The following SPECC1L variants were observed in gnomAD, a reference collection of about 807,000 sequenced individuals.
The protein encoded by SPECC1L is sperm antigen with calponin homology and coiled-coil domains 1 like, also known as cytospin-A.
Under a neutral mutation model 116.8 loss-of-function variants are expected in SPECC1L, and 40 were observed. The observed-to-expected ratio is 0.34, with a 90% CI of 0.27 to 0.45. The LOEUF (loss-of-function observed/expected upper bound fraction) is 0.45. Among genes scored for constraint, SPECC1L ranks in the 20% least tolerant of loss-of-function variants. The probability of loss-of-function intolerance (pLI) is 1.00; values close to 1 mark genes in which losing one functional copy is unlikely to be tolerated. For synonymous variants in SPECC1L, 504 were observed against 500.6 expected (o/e 1.01, Z -0.09); for missense variants, 1,110 against 1,373.6 (o/e 0.81, Z 3.03).
chr22:24,307,982 G>A (rs973230825), intron 3 of SPECC1L, among the ~76,000 whole-genome samples: 1 of 151,710 alleles, frequency 6.6e-6, no homozygotes, highest in African/African-American at 2.4e-5. Context: ...AAGAATTCCA[G>A]TATACTCTAT....
intron 14 of SPECC1L, among the ~76,000 whole-genome samples, chr22:24,374,515 C>T (rs1370670389): frequency 2.7e-5 from 4 of 150,496 alleles, no homozygotes; most frequent in African/African-American, 4.9e-5. Flanking sequence ...AGCAAACTAT[C>T]GCAAGGACAA....
At chr22:24,341,855 C>A (rs1028193819) in intron 10 of SPECC1L, among the ~76,000 whole-genome samples, 2 of 152,214 alleles carry the variant, frequency 1.3e-5, no homozygotes, top group South Asian at 4.1e-4. Context: ...TGCAGAGAGG[C>A]CCACATTAGG....
At position 24,415,467 on chromosome 22, in the gene SPECC1L, G is replaced by C. The variant is rs2042784715; in HGVS notation, c.*844G>C. On this transcript the variant is annotated 3_prime_UTR_variant, in exon 17 of 17. Coordinates refer to ENST00000314328, the MANE Select transcript of SPECC1L (RefSeq NM_015330.6). ...AGCAATGCTGGAAAAGGTCGCTCCT[G>C]TTCTGTTAGTACCAAAGTTACATTG... The C allele has an allele frequency of 6.5e-6, 1 of 152,674 alleles. No homozygotes were observed. The highest frequency in any genetic ancestry group is 6.5e-5 in the Admixed American group (1 of 15,290). The allele number at this position is 152,674 out of a possible 1,614,324, so 9.5% of individuals were successfully genotyped here.
At chr22:24,385,641 C>A (rs1343088360) in intron 14 of SPECC1L, among the ~76,000 whole-genome samples, 1 of 152,116 alleles carries the variant, frequency 6.6e-6, no homozygotes, top group Non-Finnish European at 1.5e-5. Flanking sequence ...TAACAATAGC[C>A]AAGGCACTCT....
At chr22:24,390,876 T>TTC (rs1556306143) in intron 14 of SPECC1L, among the ~76,000 whole-genome samples, 3 of 107,810 alleles carry the variant, frequency 2.8e-5, no homozygotes, top group Admixed American at 8.9e-5. Context: ...TCTTTTCTTT[T>TTC]TTTTTTTTTT....
At position 24,414,910 on chromosome 22, in the gene SPECC1L, A is replaced by C. The variant is rs746188071; in HGVS notation, c.*287A>C. 1.5e-5 allele frequency: 7 copies of C among 464,248 alleles called. No individual in the cohort carries two copies. In the Admixed American group the frequency reaches 2.4e-4, roughly 16 times the overall value. The allele number at this position is 464,248 out of a possible 1,614,324, so 28.8% of individuals were successfully genotyped here. A position where few individuals can be genotyped will look rare whatever the true frequency, so the allele number is the denominator to read the frequency against. ...GTTTTCCTTCTGAAGAGAATATTGA[A>C]CTACACTAGTGCTCCAGGGCACCAA... is the stretch of plus-strand genomic sequence containing the variant. On this transcript the variant is annotated 3_prime_UTR_variant, in exon 17 of 17. Transcript: ENST00000314328.
At position 24,288,615 on chromosome 22, in the gene SPECC1L, CTTTTTTTTTTT is replaced by C. The variant is rs756714389; in HGVS notation, c.-38+11831_-38+11841del. ...GACTTCTCAAATCCAAAATTTTAAG[CTTTTTTTTTTT>C]TTTTTTTTTTTTTTTTTTGGACATA... On this transcript the variant is annotated intron_variant, in intron 2 of 16. Transcript: ENST00000314328. Among the ~76,000 whole-genome samples the C allele has an allele frequency of 1.8e-3, 113 of 61,670 alleles. 2 individuals carry two copies. Among genetic ancestry groups the C allele is most frequent in the South Asian group, 9.3e-3 (14 of 1,512 alleles). 40.5% of individuals were successfully genotyped at this position (61,670 alleles called of 152,430 possible).
chr22:24,304,950 G>A (rs377755845), intron 3 of SPECC1L, among the ~76,000 whole-genome samples: 22 of 152,166 alleles, frequency 1.4e-4, no homozygotes, highest in Admixed American at 1.4e-3. Flanking sequence ...TTTGCATTTT[G>A]CATCAGTTAC....
intron 9 of SPECC1L, 39 bp downstream of exon 9, chr22:24,334,612 T>C (rs759255690): frequency 8.7e-6 from 14 of 1,604,924 alleles, no homozygotes; most frequent in Non-Finnish European, 1.1e-5. Flanking sequence ...CTGCATGCGG[T>C]TGTGTTCACT....
At chr22:24,297,810 CTG>C (rs1479465081) in intron 2 of SPECC1L, among the ~76,000 whole-genome samples, 1 of 152,224 alleles carries the variant, frequency 6.6e-6, no homozygotes, top group Non-Finnish European at 1.5e-5. Context: ...TGTATCCATG[CTG>C]TGTGTGCTGC....
chr22:24,373,336 A>G (rs535205252), intron 14 of SPECC1L, among the ~76,000 whole-genome samples: 15 of 152,342 alleles, frequency 9.8e-5, no homozygotes, highest in African/African-American at 3.6e-4. Context: ...AAGCCAAAAG[A>G]ACAAAGCTGG....
chr22:24,306,463 C>T (rs1459616709), intron 3 of SPECC1L, among the ~76,000 whole-genome samples: 1 of 152,128 alleles, frequency 6.6e-6, no homozygotes, highest in African/African-American at 2.4e-5. Flanking sequence ...TCACTGCAGC[C>T]TTGAACTCCT....
Position 24,275,552 on chromosome 22 carries a change from C to CTT in SPECC1L, c.-141-1133_-141-1132dup, listed in dbSNP as rs78661499. Among the ~76,000 whole-genome samples the CTT allele has an allele frequency of 2.8e-3, 368 of 133,216 alleles. 1 individual carries two copies. Among genetic ancestry groups the CTT allele is most frequent in the African/African-American group, 8.7e-3 (316 of 36,450 alleles). 87.4% of individuals were successfully genotyped at this position (133,216 alleles called of 152,430 possible). A position where few individuals can be genotyped will look rare whatever the true frequency, so the allele number is the denominator to read the frequency against. On this transcript the variant is annotated intron_variant, in intron 1 of 16. Transcript: ENST00000314328. ...CTTTTTTCTCTTGTACACCTTTCAC[C>CTT]TTTTTTTTTTTTTTTTGAGTTTGAT...
chr22:24,395,662 G>T (rs531602407), intron 14 of SPECC1L, among the ~76,000 whole-genome samples: 1 of 152,150 alleles, frequency 6.6e-6, no homozygotes, highest in African/African-American at 2.4e-5. Context: ...TTTTCAGACA[G>T]AATCTTGCTC....
intron 2 of SPECC1L, among the ~76,000 whole-genome samples, chr22:24,295,184 G>A (rs1327960035): frequency 2.0e-5 from 3 of 150,962 alleles, no homozygotes; most frequent in Non-Finnish European, 2.9e-5. Context: ...CCAGATTGCA[G>A]CCTTGTAAAT....
intron 14 of SPECC1L, among the ~76,000 whole-genome samples, chr22:24,385,610 A>C (rs2042146768): frequency 6.6e-6 from 1 of 152,220 alleles, no homozygotes; most frequent in Non-Finnish European, 1.5e-5. Context: ...GATTGTCCGT[A>C]ATGATAAAGA....
chr22:24,325,141 T>C (rs543985826), intron 6 of SPECC1L, among the ~76,000 whole-genome samples: 13 of 152,318 alleles, frequency 8.5e-5, no homozygotes, highest in African/African-American at 3.1e-4. Flanking sequence ...TAATTTGTAA[T>C]TTAAAAATAG....
At chr22:24,370,310 T>C (rs2041847814) in intron 14 of SPECC1L, among the ~76,000 whole-genome samples, 2 of 152,220 alleles carry the variant, frequency 1.3e-5, no homozygotes, top group Admixed American at 1.3e-4. Context: ...ATTGAGGATT[T>C]ACTAAGACTC....
intron 5 of SPECC1L, among the ~76,000 whole-genome samples, chr22:24,323,543 A>G (rs55801171): frequency 0.042 from 6,369 of 152,330 alleles, 206 homozygotes; most frequent in African/African-American, 0.085. Context: ...CCAGGGATCT[A>G]TCTATACCCC....
Sources: gnomAD v4.1 joint callset for allele counts (sites outside exome capture counted in the v4.1 genomes callset) on GRCh38, gnomAD v4.1.1 for gene constraint, MANE v1.5 for transcripts, NCBI Gene and HGNC (gene_info 2026-07-23, HGNC 2026-07-21) for gene names.